The following PROX1 variants were observed in gnomAD, a reference collection of about 807,000 sequenced individuals.
PROX1 encodes the protein prospero homeobox 1, also known as prospero homeobox protein 1.
In PROX1, 7 loss-of-function variants were observed where a neutral mutation model predicts 58.8. The ratio of observed to expected loss-of-function variants is 0.12; its 90% CI spans 0.07 to 0.22. The LOEUF (loss-of-function observed/expected upper bound fraction) is 0.22, where lower values mean the gene tolerates loss of function less well. Ranked by LOEUF, PROX1 falls within the 10% of genes least tolerant of loss-of-function variation. The pLI, the probability that PROX1 is intolerant of heterozygous loss-of-function variation, is 1.00. For missense variants in PROX1, 675 were observed against 927.8 expected, an observed-to-expected ratio of 0.73 and a Z score of 3.54; for synonymous variants, 350 against 358.3, an observed-to-expected ratio of 0.98 and a Z score of 0.26.
In PROX1 at chr1:213,997,189, A is replaced by G. The variant is rs1194038947; in HGVS notation, c.654A>G (p.Gln218=). The G allele has an allele frequency of 1.2e-6, 2 of 1,613,544 alleles. No individual in the cohort carries two copies. Among genetic ancestry groups the G allele is most frequent in the East Asian group, 2.2e-5 (1 of 44,864 alleles). The change falls in exon 2 of 5, where the codon CAA becomes CAG. Residue 218 remains glutamine, a synonymous_variant. Coordinates refer to ENST00000366958, the MANE Select transcript of PROX1 (RefSeq NM_001270616.2). The surrounding 1 kb of genome is among the most constrained non-coding windows in gnomAD (Gnocchi z 7.1). Reference sequence around the variant, plus strand: ...AGCAAAAGCTTCCCCAGCAGCAGCAACAGAGTTTCCAGCAGCTGGTTTCAG... The same window carrying G: ...AGCAAAAGCTTCCCCAGCAGCAGCAGCAGAGTTTCCAGCAGCTGGTTTCAG... The part of the protein sequence containing the change: ...KRKQKLPQQQ[Q]QSFQQLVSAR...
intron 4 of PROX1, among the ~76,000 whole-genome samples, chr1:214,031,975 C>T (rs1239562035): frequency 2.0e-5 from 3 of 152,164 alleles, no homozygotes. Flanking sequence ...TTTGTCCAGT[C>T]CAGTCCATTG....
At chr1:214,017,583 C>T (rs1036135723) in intron 4 of PROX1, among the ~76,000 whole-genome samples, 4 of 149,078 alleles carry the variant, frequency 2.7e-5, no homozygotes, top group African/African-American at 5.0e-5. Context: ...AAAAAAAAAT[C>T]GTCCTTGTGT....
chr1:214,010,521 G>A (rs1339156255), intron 3 of PROX1, among the ~76,000 whole-genome samples: 1 of 152,116 alleles, frequency 6.6e-6, no homozygotes, highest in Non-Finnish European at 1.5e-5. Flanking sequence ...GGAAGGGGAT[G>A]CCTGTGATGA....
Position 214,035,886 on chromosome 1 carries a change from T to A in PROX1, c.*52T>A, listed in dbSNP as rs985146842. 6.6e-7 allele frequency: 1 copy of A among 1,504,428 alleles called. No individual in the cohort carries two copies. The highest frequency in any genetic ancestry group is 9.0e-7 in the Non-Finnish European group (1 of 1,108,236). The allele number at this position is 1,504,428 out of a possible 1,614,324, so 93.2% of individuals were successfully genotyped here. On this transcript the variant is annotated 3_prime_UTR_variant, in exon 5 of 5. Coordinates refer to ENST00000366958, the MANE Select transcript of PROX1 (RefSeq NM_001270616.2). ...ATGAAGAGTAGCAGTCCCCTTTGGA[T>A]GTCCAAGTTATATGTGTCTAGATTT...
intron 4 of PROX1, among the ~76,000 whole-genome samples, chr1:214,026,220 T>C (rs1664453274): frequency 6.6e-6 from 1 of 152,186 alleles, no homozygotes; most frequent in Admixed American, 6.5e-5. Flanking sequence ...GAAGGAAAAT[T>C]TGCTTCATCG....
intron 3 of PROX1, among the ~76,000 whole-genome samples, chr1:214,006,329 C>T (rs967820037): frequency 2.0e-5 from 3 of 152,164 alleles, no homozygotes; most frequent in African/African-American, 7.2e-5. Flanking sequence ...ATTTCAGTTT[C>T]CTTCACTGGT....
At chr1:214,002,385 T>A (rs1317195355) in intron 2 of PROX1, among the ~76,000 whole-genome samples, 1 of 150,994 alleles carries the variant, frequency 6.6e-6, no homozygotes, top group East Asian at 1.9e-4. Flanking sequence ...TATGGATTTA[T>A]CATCTTTTCT....
chr1:214,035,830 A>G lies in PROX1; in HGVS notation c.2210A>G (p.Glu737Gly). 6.2e-7 allele frequency: 1 copy of G among 1,606,674 alleles called. No individual in the cohort carries two copies. Among genetic ancestry groups the G allele is most frequent in the Non-Finnish European group, 8.5e-7 (1 of 1,176,662 alleles). ...SPNCLQELLH[E>G] ...AACTGCCTACAAGAGCTGCTTCATG[A>G]GTAGAAATTTCAACAACTCTTTTTG... is the stretch of plus-strand genomic sequence containing the variant. Residue 737 changes from glutamate to glycine, a missense_variant, in exon 5 of 5, where the codon GAG becomes GGG. By Grantham distance (98) the Glu-to-Gly change is moderately conservative. Coordinates refer to ENST00000366958, the MANE Select transcript of PROX1 (RefSeq NM_001270616.2).
At chr1:214,012,835 C>A (rs897367170) in intron 4 of PROX1, among the ~76,000 whole-genome samples, 4 of 152,024 alleles carry the variant, frequency 2.6e-5, no homozygotes, top group African/African-American at 9.7e-5. Flanking sequence ...CCAGGAATAC[C>A]CAGGAAGTTC....
chr1:214,004,875 A>AC (rs1663650687), intron 2 of PROX1, among the ~76,000 whole-genome samples: 1 of 152,226 alleles, frequency 6.6e-6, no homozygotes, highest in Admixed American at 6.5e-5. Flanking sequence ...TAGATAGCCT[A>AC]CCGACCTAAA....
rs572689523 is a variant in PROX1 at position 214,038,880 on chromosome 1, A to G, written c.*3046A>G. ...GTTTTTGAAGAAGAGAATTTTTAGA[A>G]CAGTTTGATACCGCAAATTATTTTT... On this transcript the variant is annotated 3_prime_UTR_variant, in exon 5 of 5. Coordinates refer to ENST00000366958, the MANE Select transcript of PROX1 (RefSeq NM_001270616.2). 1 of 152,344 alleles carries G rather than the reference A, an allele frequency of 6.6e-6. No individual in the cohort carries two copies. The highest frequency in any genetic ancestry group is 1.9e-4 in the East Asian group (1 of 5,186). 9.4% of individuals were successfully genotyped at this position (152,344 alleles called of 1,614,324 possible). A position where few individuals can be genotyped will look rare whatever the true frequency, so the allele number is the denominator to read the frequency against.
In PROX1 at chr1:214,038,649, G is replaced by T. The variant is rs1276279807; in HGVS notation, c.*2815G>T. ...TAGACCTAAAATGCACCAGCGGGGG[G>T]GATTTTAAAAAATCCTTCAAAATAC... On this transcript the variant is annotated 3_prime_UTR_variant, in exon 5 of 5. Coordinates refer to ENST00000366958, the MANE Select transcript of PROX1 (RefSeq NM_001270616.2). The T allele has an allele frequency of 1.3e-5, 2 of 152,028 alleles. No homozygotes were observed. The highest frequency in any genetic ancestry group is 2.9e-5 in the Non-Finnish European group (2 of 68,006). 9.4% of individuals were successfully genotyped at this position (152,028 alleles called of 1,614,324 possible). A position where few individuals can be genotyped will look rare whatever the true frequency, so the allele number is the denominator to read the frequency against.
chr1:214,034,865 T>C (rs1664777967), intron 4 of PROX1, among the ~76,000 whole-genome samples: 1 of 152,092 alleles, frequency 6.6e-6, no homozygotes. Context: ...CTTAGAGAGA[T>C]TGGGAGAACT....
chr1:214,009,911 G>A (rs1195434907), intron 3 of PROX1, among the ~76,000 whole-genome samples: 2 of 152,120 alleles, frequency 1.3e-5, no homozygotes, highest in African/African-American at 2.4e-5. Context: ...GGAACAGTAA[G>A]CCGTCACGGG....
intron 2 of PROX1, among the ~76,000 whole-genome samples, chr1:214,001,997 G>C (rs894491776): frequency 6.6e-6 from 1 of 152,074 alleles, no homozygotes; most frequent in Non-Finnish European, 1.5e-5. Context: ...GTTTCTAGGG[G>C]GAAAACCTCT....
upstream of PROX1, chr1:213,983,248 C>T (rs1662745177): frequency 1.3e-5 from 2 of 152,384 alleles, no homozygotes; most frequent in African/African-American, 4.8e-5. Flanking sequence ...GCGTATTCCT[C>T]GCAGGATTCG....
At chr1:214,003,292 A>G (rs1663589645) in intron 2 of PROX1, among the ~76,000 whole-genome samples, 1 of 152,232 alleles carries the variant, frequency 6.6e-6, no homozygotes, top group Admixed American at 6.5e-5. Context: ...AGCCATCTGA[A>G]AGAAAAGATT....
Position 213,997,434 on chromosome 1 carries a change from G to A in PROX1, c.899G>A (p.Cys300Tyr), listed in dbSNP as rs773911667. 1 of 1,614,114 alleles carries A rather than the reference G, an allele frequency of 6.2e-7. No individual in the cohort carries two copies. Among genetic ancestry groups the A allele is most frequent in the Non-Finnish European group, 8.5e-7 (1 of 1,180,032 alleles). ...DSVGRSDNEMCELDPGQFIDR... is the reference protein window; with the variant it reads ...DSVGRSDNEMYELDPGQFIDR... ...GTCGGAAGGTCAGATAATGAGATGT[G>A]CGAGCTAGACCCAGGACAGTTTATT... The change falls in exon 2 of 5, where the codon TGC (cysteine) becomes TAC (tyrosine). Residue 300 changes from cysteine (C) to tyrosine (Y), a missense_variant. Cys to Tyr is a radical substitution (Grantham distance 194). Coordinates refer to ENST00000366958, the MANE Select transcript of PROX1 (RefSeq NM_001270616.2). This position sits in a 1 kb window ranked among gnomAD's most constrained non-coding sequence, Gnocchi z 7.1.
intron 4 of PROX1, among the ~76,000 whole-genome samples, chr1:214,032,884 CA>C (rs887620865): frequency 2.6e-5 from 4 of 152,160 alleles, no homozygotes; most frequent in Non-Finnish European, 5.9e-5. Context: ...ATATTTAAAA[CA>C]GATTAAAACC....
Sources: allele counts gnomAD v4.1 joint callset (sites outside exome capture counted in the v4.1 genomes callset), GRCh38; gene constraint gnomAD v4.1.1; non-coding constraint Gnocchi (gnomAD v3.1); transcripts MANE v1.5; gene names NCBI Gene and HGNC (gene_info 2026-07-23, HGNC 2026-07-21).